Variants in SPTBN1 observed in about 807,000 individuals in gnomAD.
SPTBN1 encodes the protein spectrin beta chain, non-erythrocytic 1.
Under a neutral mutation model 266.4 loss-of-function variants are expected in SPTBN1, and 32 were observed. The ratio of observed to expected loss-of-function variants is 0.12; its 90% CI spans 0.09 to 0.16. SPTBN1 has a LOEUF of 0.16. SPTBN1 is among the 10% of genes least tolerant of loss of function. SPTBN1 has a pLI of 1.00. For synonymous variants in SPTBN1, 1,336 were observed against 1,162.2 expected (o/e 1.15, Z -3.04); for missense variants, 2,296 against 3,067.1 (o/e 0.75, Z 5.94).
intron 1 of SPTBN1, among the ~76,000 whole-genome samples, chr2:54,479,465 A>G (rs1667997616): frequency 6.6e-6 from 1 of 152,206 alleles, no homozygotes. Context: ...CTGGTTACTG[A>G]CTGTGGTCTT....
chr2:54,637,877 C>T, intron 18 of SPTBN1, 74 bp downstream of exon 18: 1 of 1,244,416 alleles, frequency 8.0e-7, no homozygotes, highest in South Asian at 1.3e-5. Flanking sequence ...AGCACAAGAG[C>T]CTTTTGAATT....
chr2:54,668,578 C>T lies in SPTBN1; in HGVS notation c.*9C>T, dbSNP rs771401557. 1.3e-5 allele frequency: 20 copies of T among 1,598,230 alleles called. No individual in the cohort carries two copies. In the South Asian group the frequency reaches 1.3e-4, roughly 11 times the overall value. The stretch of plus-strand genomic sequence containing the variant: ...TTGGCAAAAAGAAATGAACTCCTTT[C>T]CTTCACCTCCTGCCCTTCTCTTACC... On this transcript the variant is annotated 3_prime_UTR_variant, in exon 36 of 36. Coordinates refer to ENST00000356805, the MANE Select transcript of SPTBN1 (RefSeq NM_003128.3).
At chr2:54,529,614 TA>T in intron 2 of SPTBN1, 1 of 721,912 alleles carries the variant, frequency 1.4e-6, no homozygotes. Flanking sequence ...ATGAAGAAGA[TA>T]AAAGACAACA....
chr2:54,519,737 T>C (rs988808976), intron 1 of SPTBN1, among the ~76,000 whole-genome samples: 1 of 152,152 alleles, frequency 6.6e-6, no homozygotes, highest in South Asian at 2.1e-4. Context: ...ACGGTCCCTC[T>C]GGTAGCATTG....
intron 6 of SPTBN1, 70 bp downstream of exon 6, chr2:54,617,758 T>C: frequency 6.6e-7 from 1 of 1,517,150 alleles, no homozygotes; most frequent in Non-Finnish European, 9.1e-7. Context: ...CAGATTTGGG[T>C]GACTTTTCCA....
intron 1 of SPTBN1, among the ~76,000 whole-genome samples, chr2:54,460,095 G>A (rs1036833030): frequency 3.3e-5 from 5 of 152,206 alleles, no homozygotes; most frequent in African/African-American, 9.6e-5. Flanking sequence ...CATTAGAATC[G>A]CCTGGAAGCT....
intron 19 of SPTBN1, among the ~76,000 whole-genome samples, chr2:54,643,729 ATCCCAGCACTTTGGGAGGCC>A (rs1679734163): frequency 6.6e-6 from 1 of 152,094 alleles, no homozygotes; most frequent in African/African-American, 2.4e-5. Flanking sequence ...CATGCCTGTA[ATCCCAGCACTTTGGGAGGCC>A]AAGGCAGATG....
chr2:54,595,977 A>G (rs142199068), intron 2 of SPTBN1, among the ~76,000 whole-genome samples: 1 of 148,584 alleles, frequency 6.7e-6, no homozygotes, highest in Non-Finnish European at 1.5e-5. Flanking sequence ...CCAAACCAGT[A>G]TGGAGCTTGT....
In SPTBN1 at chr2:54,482,365, A is replaced by G. The variant is rs551412157; in HGVS notation, c.-48+25847A>G. Among the ~76,000 whole-genome samples the G allele has an allele frequency of 2.7e-3, 415 of 151,978 alleles. 1 individual carries two copies. The highest frequency in any genetic ancestry group is 5.0e-3 in the Non-Finnish European group (340 of 67,950). The stretch of plus-strand genomic sequence containing the variant: ...CCTCATCTCTACAGCAGGAAAAAAA[A>G]AAAAAGAAAAAATTAGAAACAATTA... On this transcript the variant is annotated intron_variant, in intron 1 of 35. Coordinates refer to ENST00000356805, the MANE Select transcript of SPTBN1 (RefSeq NM_003128.3).
chr2:54,470,605 G>A (rs994236154), intron 1 of SPTBN1, among the ~76,000 whole-genome samples: 2 of 152,214 alleles, frequency 1.3e-5, no homozygotes, highest in Non-Finnish European at 1.5e-5. Flanking sequence ...TTTCTGAAGA[G>A]GGCTTTTTTC....
chr2:54,466,821 A>T (rs922533218), intron 1 of SPTBN1, among the ~76,000 whole-genome samples: 1 of 152,224 alleles, frequency 6.6e-6, no homozygotes, highest in South Asian at 2.1e-4. Context: ...TACCAGCTAA[A>T]TATACTTTCT....
intron 2 of SPTBN1, among the ~76,000 whole-genome samples, chr2:54,571,877 G>T (rs925456020): frequency 6.6e-6 from 1 of 152,186 alleles, no homozygotes; most frequent in African/African-American, 2.4e-5. Flanking sequence ...CTTAATAAAT[G>T]ATGTCTTGAA....
intron 2 of SPTBN1, among the ~76,000 whole-genome samples, chr2:54,596,338 A>G (rs1427958864): frequency 1.3e-5 from 2 of 152,208 alleles, no homozygotes; most frequent in Non-Finnish European, 2.9e-5. Context: ...TGAGCCACCA[A>G]ATAGATTTCT....
chr2:54,500,903 C>G (rs1669226229), intron 1 of SPTBN1, among the ~76,000 whole-genome samples: 1 of 152,188 alleles, frequency 6.6e-6, no homozygotes, highest in Admixed American at 6.5e-5. Flanking sequence ...ATCACAGTAT[C>G]TCCACAGGTG....
At chr2:54,659,894 C>T (rs753493786) in intron 31 of SPTBN1, 42 bp from the exon 32 acceptor site, 20 of 1,599,802 alleles carry the variant, frequency 1.3e-5, no homozygotes, top group Non-Finnish European at 1.5e-5. Flanking sequence ...TCTTTCTCCT[C>T]TTCTTCCTTT....
chr2:54,467,160 T>C (rs1249225633), intron 1 of SPTBN1, among the ~76,000 whole-genome samples: 1 of 151,822 alleles, frequency 6.6e-6, no homozygotes, highest in African/African-American at 2.4e-5. Flanking sequence ...AGGCCAAATA[T>C]AAATGTTGAA....
intron 2 of SPTBN1, among the ~76,000 whole-genome samples, chr2:54,550,864 G>C (rs1051418542): frequency 1.3e-5 from 2 of 152,210 alleles, no homozygotes; most frequent in African/African-American, 4.8e-5. Flanking sequence ...CTATGCCCAT[G>C]GATGGGGCTG....
intron 2 of SPTBN1, chr2:54,546,372 A>C (rs1360931015): frequency 6.6e-6 from 1 of 152,194 alleles, no homozygotes; most frequent in Non-Finnish European, 1.5e-5. Context: ...AGAGTAAGAA[A>C]AACTTGTCTG....
chr2:54,572,106 A>T (rs979537789), intron 2 of SPTBN1, among the ~76,000 whole-genome samples: 4 of 152,100 alleles, frequency 2.6e-5, no homozygotes, highest in African/African-American at 9.7e-5. Context: ...TGGGGAATTT[A>T]CTAAACTTTG....
Sources: gnomAD v4.1 joint callset for allele counts (sites outside exome capture counted in the v4.1 genomes callset) on GRCh38, gnomAD v4.1.1 for gene constraint, MANE v1.5 for transcripts, NCBI Gene and HGNC (gene_info 2026-07-23, HGNC 2026-07-21) for gene names.